Variants in MEI4 observed in about 807,000 individuals in gnomAD.
The protein encoded by MEI4 is meiosis-specific protein MEI4.
In MEI4, 27 loss-of-function variants were observed where a neutral mutation model predicts 31.4. That is an observed-to-expected ratio of 0.86 (90% CI 0.63 to 1.19). MEI4 has a LOEUF of 1.19. MEI4 is among the 50% of genes most tolerant of loss of function. MEI4 has a pLI of 0.00. For synonymous variants in MEI4, 122 were observed against 145.4 expected, an observed-to-expected ratio of 0.84 and a Z score of 1.16; for missense variants, 329 against 398.9, an observed-to-expected ratio of 0.82 and a Z score of 1.49.
chr6:77,922,365 G>C (rs1350940679), intron 4 of MEI4, among the ~76,000 whole-genome samples: 1 of 151,586 alleles, frequency 6.6e-6, no homozygotes, highest in African/African-American at 2.4e-5. Flanking sequence ...CTTGACTGTG[G>C]AATAGTGATA....
chr6:77,716,762 C>T (rs939684967), intron 2 of MEI4: 34 of 405,272 alleles, frequency 8.4e-5, no homozygotes, highest in Non-Finnish European at 1.1e-4. Context: ...TTTTATTTTA[C>T]TTTATTTTTC....
chr6:77,825,714 A>G (rs557983231), intron 3 of MEI4, among the ~76,000 whole-genome samples: 10 of 152,288 alleles, frequency 6.6e-5, no homozygotes, highest in East Asian at 3.9e-4. Flanking sequence ...ATATGTCTCT[A>G]TTGCATTTTA....
At chr6:77,777,698 T>C (rs1295889256) in intron 3 of MEI4, among the ~76,000 whole-genome samples, 1 of 152,166 alleles carries the variant, frequency 6.6e-6, no homozygotes, top group Non-Finnish European at 1.5e-5. Context: ...TAATCAGGAT[T>C]AGCAGATATC....
chr6:77,682,264 C>T (rs1768972634), intron 1 of MEI4, among the ~76,000 whole-genome samples: 2 of 152,160 alleles, frequency 1.3e-5, no homozygotes, highest in Non-Finnish European at 2.9e-5. Flanking sequence ...AGCCAGTGTC[C>T]TTCAGTTTCT....
At chr6:77,655,434 C>T (rs1768376584) in intron 1 of MEI4, among the ~76,000 whole-genome samples, 1 of 152,178 alleles carries the variant, frequency 6.6e-6, no homozygotes, top group South Asian at 2.1e-4. Flanking sequence ...GAAGAACCAA[C>T]ATTTCTTCTT....
chr6:77,848,011 T>C (rs1312745284), intron 4 of MEI4, among the ~76,000 whole-genome samples: 6 of 152,190 alleles, frequency 3.9e-5, no homozygotes, highest in African/African-American at 1.4e-4. Context: ...TCCTTTGAGT[T>C]CTTAAAAAGA....
intron 4 of MEI4, among the ~76,000 whole-genome samples, chr6:77,897,585 G>A (rs1177916769): frequency 1.3e-5 from 2 of 151,412 alleles, no homozygotes; most frequent in Admixed American, 6.6e-5. Flanking sequence ...TTTCCAATAC[G>A]AAAAAAGGGT....
At chr6:77,794,156 T>G (rs1288375523) in intron 3 of MEI4, among the ~76,000 whole-genome samples, 1 of 152,180 alleles carries the variant, frequency 6.6e-6, no homozygotes, top group Non-Finnish European at 1.5e-5. Context: ...GTGGCTATAC[T>G]TACATCAGAC....
At chr6:77,791,245 G>A (rs6935421) in intron 3 of MEI4, among the ~76,000 whole-genome samples, 13 of 152,098 alleles carry the variant, frequency 8.5e-5, no homozygotes, top group Non-Finnish European at 1.3e-4. Flanking sequence ...TGTTTATTGC[G>A]GCATTATTCA....
At chr6:77,909,578 C>G (rs138049698) in intron 4 of MEI4, among the ~76,000 whole-genome samples, 13,992 of 152,086 alleles carry the variant, frequency 0.092, 935 homozygotes, top group East Asian at 0.3. Flanking sequence ...AGCTTACCAA[C>G]CAACAAAAGT....
chr6:77,761,776 T>C (rs952813859), intron 3 of MEI4, 111 bp downstream of exon 3: 16 of 683,086 alleles, frequency 2.3e-5, no homozygotes, highest in African/African-American at 1.9e-4. Flanking sequence ...GAATCCCTTA[T>C]TGGGTCTTTT....
At chr6:77,822,329 T>A (rs1769845685) in intron 3 of MEI4, among the ~76,000 whole-genome samples, 1 of 152,122 alleles carries the variant, frequency 6.6e-6, no homozygotes, top group African/African-American at 2.4e-5. Context: ...AACCTATAGA[T>A]CCCTCTATAA....
intron 4 of MEI4, among the ~76,000 whole-genome samples, chr6:77,831,217 T>G (rs1224424161): frequency 6.7e-6 from 1 of 150,124 alleles, no homozygotes; most frequent in Non-Finnish European, 1.5e-5. Context: ...AGATATCATC[T>G]CACTCCAACT....
chr6:77,704,359 C>G (rs887554959), intron 2 of MEI4, among the ~76,000 whole-genome samples: 1 of 152,158 alleles, frequency 6.6e-6, no homozygotes, highest in Non-Finnish European at 1.5e-5. Flanking sequence ...TGCTTCAACT[C>G]TTGTCTAAGA....
At chr6:77,743,060 C>T (rs1173407419) in intron 2 of MEI4, among the ~76,000 whole-genome samples, 1 of 152,090 alleles carries the variant, frequency 6.6e-6, no homozygotes, top group Non-Finnish European at 1.5e-5. Context: ...AGCGTGATGC[C>T]TCCAGCTTTG....
At chr6:77,866,035 C>A (rs999922084) in intron 4 of MEI4, among the ~76,000 whole-genome samples, 3 of 152,084 alleles carry the variant, frequency 2.0e-5, no homozygotes, top group Non-Finnish European at 4.4e-5. Context: ...AACAACTCTT[C>A]ATGCTAAACA....
chr6:77,678,690 CATT>C (rs1562202678), intron 1 of MEI4, among the ~76,000 whole-genome samples: 1 of 151,338 alleles, frequency 6.6e-6, no homozygotes, highest in South Asian at 2.1e-4. Context: ...TATGTTTTAT[CATT>C]ATCTTGGAGT....
chr6:77,752,246 A>G (rs1282688795), intron 2 of MEI4, among the ~76,000 whole-genome samples: 1 of 152,220 alleles, frequency 6.6e-6, no homozygotes, highest in East Asian at 1.9e-4. Flanking sequence ...CCCATTCAAG[A>G]TAGTTTTGGA....
intron 4 of MEI4, among the ~76,000 whole-genome samples, chr6:77,845,056 CT>C (rs35175332): frequency 8.1e-4 from 123 of 152,158 alleles, no homozygotes; most frequent in African/African-American, 2.8e-3. Flanking sequence ...CCCTGTGAGT[CT>C]TTTTTTCCCC....
Sources: gnomAD v4.1 joint callset for allele counts (sites outside exome capture counted in the v4.1 genomes callset) on GRCh38, gnomAD v4.1.1 for gene constraint, MANE v1.5 for transcripts, NCBI Gene and HGNC (gene_info 2026-07-23, HGNC 2026-07-21) for gene names.